MACF1: variants seen among roughly 807,000 people sequenced by gnomAD.
The protein encoded by MACF1 is microtubule-actin cross-linking factor 1.
In MACF1, 193 loss-of-function variants were observed where a neutral mutation model predicts 854.8. The ratio of observed to expected loss-of-function variants is 0.23; its 90% CI spans 0.20 to 0.25. MACF1 has a LOEUF of 0.25. Among genes scored for constraint, MACF1 ranks in the 10% least tolerant of loss-of-function variants. MACF1 has a pLI of 1.00. For missense variants in MACF1, 7,722 were observed against 8,929.1 expected (o/e 0.86, Z 5.45); for synonymous variants, 3,185 against 3,226.7 (o/e 0.99, Z 0.44).
intron 2 of MACF1, among the ~76,000 whole-genome samples, chr1:39,094,673 G>A (rs1437058519): frequency 1.3e-5 from 2 of 151,002 alleles, no homozygotes; most frequent in Non-Finnish European, 2.9e-5. Context: ...AGCTGAGATC[G>A]CGCCATTGCA....
At chr1:39,202,666 A>G (rs1019250291), upstream of MACF1, among the ~76,000 whole-genome samples, 1 of 151,554 alleles carries the variant, frequency 6.6e-6, no homozygotes, top group Admixed American at 6.6e-5. Flanking sequence ...TCCCCCATTG[A>G]CATTGACACT....
chr1:39,133,663 G>T (rs1448617743), intron 2 of MACF1, among the ~76,000 whole-genome samples: 3 of 152,042 alleles, frequency 2.0e-5, no homozygotes, highest in Non-Finnish European at 4.4e-5. Context: ...TGTAAACATT[G>T]TGGAATGATT....
At chr1:39,294,355 T>C (rs1645856859) in intron 18 of MACF1, among the ~76,000 whole-genome samples, 1 of 152,250 alleles carries the variant, frequency 6.6e-6, no homozygotes, top group Admixed American at 6.5e-5. Flanking sequence ...TTTTGTAAAC[T>C]ATGCAAATAG....
At chr1:39,407,192 T>C (rs1221257306) in intron 58 of MACF1, among the ~76,000 whole-genome samples, 2 of 152,248 alleles carry the variant, frequency 1.3e-5, no homozygotes, top group Non-Finnish European at 2.9e-5. Flanking sequence ...ATTCTTTGAA[T>C]AGCTGTGAGA....
chr1:39,417,421 T>C (rs1020430668), intron 58 of MACF1, among the ~76,000 whole-genome samples: 4 of 152,186 alleles, frequency 2.6e-5, no homozygotes, highest in African/African-American at 9.7e-5. Context: ...TAAGCAAAAA[T>C]TGGAGAGCAC....
intron 2 of MACF1, among the ~76,000 whole-genome samples, chr1:39,169,621 A>AG (rs1643919685): frequency 1.3e-5 from 2 of 151,182 alleles, no homozygotes; most frequent in Admixed American, 6.6e-5. Flanking sequence ...AAAAAAAAAA[A>AG]GACATTTTAT....
chr1:39,225,210 C>CTTTTTCCTT (rs1173560351), intron 1 of MACF1, among the ~76,000 whole-genome samples: 1 of 17,580 alleles, frequency 5.7e-5, no homozygotes. Flanking sequence ...GCAAATTTTT[C>CTTTTTCCTT]TTTTTTCTTT....
chr1:39,168,476 G>C (rs1359974254), intron 2 of MACF1, among the ~76,000 whole-genome samples: 1 of 152,124 alleles, frequency 6.6e-6, no homozygotes, highest in African/African-American at 2.4e-5. Flanking sequence ...GCAGGGCTGG[G>C]TTCAAATATA....
At chr1:39,104,850 G>A (rs1387857817) in intron 2 of MACF1, among the ~76,000 whole-genome samples, 1 of 152,174 alleles carries the variant, frequency 6.6e-6, no homozygotes, top group Non-Finnish European at 1.5e-5. Flanking sequence ...CCTTGTCCTC[G>A]TTCTGACCGC....
intron 2 of MACF1, among the ~76,000 whole-genome samples, chr1:39,232,746 G>GTTTTTTTTTTTTGT (rs1644793857): frequency 7.8e-6 from 1 of 128,486 alleles, no homozygotes; most frequent in Non-Finnish European, 1.7e-5. Flanking sequence ...TACTCTCTTT[G>GTTTTTTTTTTTTGT]TTTTTTTTTT....
intron 40 of MACF1, 89 bp downstream of exon 40, chr1:39,341,042 T>C: frequency 8.0e-7 from 1 of 1,252,232 alleles, no homozygotes; most frequent in Non-Finnish European, 1.1e-6. Flanking sequence ...TATCTTTTTT[T>C]TTTTTTTTTG....
intron 58 of MACF1, chr1:39,412,742 A>G: frequency 6.2e-7 from 1 of 1,613,658 alleles, no homozygotes. Context: ...GTTTTAGAGG[A>G]ATGGATACCC....
chr1:39,257,662 A>G (rs2148341986), intron 5 of MACF1: 2 of 335,804 alleles, frequency 6.0e-6, no homozygotes, highest in South Asian at 7.3e-5. Context: ...GGAAAAAGCA[A>G]AACAAGGAAT....
intron 2 of MACF1, among the ~76,000 whole-genome samples, chr1:39,231,782 C>T (rs544986420): frequency 1.7e-4 from 26 of 151,712 alleles, no homozygotes; most frequent in Admixed American, 5.9e-4. Flanking sequence ...TGGGCTAAAG[C>T]GATCCTCCTA....
At chr1:39,202,014 T>C (rs1445519894), upstream of MACF1, among the ~76,000 whole-genome samples, 7 of 116,998 alleles carry the variant, frequency 6.0e-5, no homozygotes, top group Non-Finnish European at 9.8e-5. Context: ...TCTCCCAGGC[T>C]GGAGTGCAGT....
At chr1:39,232,746 G>GTTTTTTTTTTTTGTTTTT (rs1644793857) in intron 2 of MACF1, among the ~76,000 whole-genome samples, 2 of 128,488 alleles carry the variant, frequency 1.6e-5, no homozygotes, top group East Asian at 2.3e-4. Flanking sequence ...TACTCTCTTT[G>GTTTTTTTTTTTTGTTTTT]TTTTTTTTTT....
chr1:39,412,102 G>A, intron 58 of MACF1: 1 of 1,613,992 alleles, frequency 6.2e-7, no homozygotes, highest in Non-Finnish European at 8.5e-7. Flanking sequence ...GGTTTCTCAT[G>A]AAGAAAAATT....
intron 2 of MACF1, among the ~76,000 whole-genome samples, chr1:39,140,979 T>C (rs1341315800): frequency 3.5e-5 from 5 of 144,210 alleles, no homozygotes; most frequent in African/African-American, 1.3e-4. Flanking sequence ...TATGTCAAAT[T>C]AACTAATTTA....
Position 39,368,174 on chromosome 1 carries a change from A to G in MACF1, c.12798A>G (p.Gln4266=). The change falls in exon 50 of 101, where the codon CAA becomes CAG. Residue 4266 remains glutamine, a synonymous_variant. Coordinates refer to ENST00000564288, the MANE Select transcript of MACF1 (RefSeq NM_001394062.1). ...IQELNLEMED[Q]QENLDTLEHL... is the part of the protein sequence containing the mutation. Reference sequence around the variant, plus strand: ...AGCTCAATTTGGAAATGGAAGACCAACAGGAGAACCTAGATACTCTTGAGC... The same window carrying G: ...AGCTCAATTTGGAAATGGAAGACCAGCAGGAGAACCTAGATACTCTTGAGC... The G allele has an allele frequency of 6.2e-7, 1 of 1,614,100 alleles. No homozygotes were observed. Among genetic ancestry groups the G allele is most frequent in the Non-Finnish European group, 8.5e-7 (1 of 1,179,998 alleles).
Sources: gnomAD v4.1 joint callset for allele counts (sites outside exome capture counted in the v4.1 genomes callset) on GRCh38, gnomAD v4.1.1 for gene constraint, MANE v1.5 for transcripts, NCBI Gene and HGNC (gene_info 2026-07-23, HGNC 2026-07-21) for gene names.